Variants in ZNF681 observed in about 807,000 individuals in gnomAD.
ZNF681 encodes zinc finger protein 681.
ZNF681 carries 37 observed loss-of-function variants against 56.0 expected under a neutral mutation model. The observed-to-expected ratio is 0.66, with a 90% CI of 0.51 to 0.87. ZNF681 has a LOEUF of 0.87. Ranked by LOEUF, ZNF681 falls within the 40% of genes least tolerant of loss-of-function variation. The pLI is 0.00. For missense variants in ZNF681, 741 were observed against 744.9 expected (o/e 0.99, Z 0.06); for synonymous variants, 225 against 248.6 (o/e 0.91, Z 0.89).
chr19:23,745,449 ATT>A (rs370284460), intron 3 of ZNF681, 126 bp from the exon 4 acceptor site: 7,777 of 472,546 alleles, frequency 0.016, no homozygotes, highest in East Asian at 0.021. Context: ...AAAGGCCCTA[ATT>A]TTTTTTTTTT....
intron 3 of ZNF681, among the ~76,000 whole-genome samples, chr19:23,751,474 CAAAAAAAAAA>C (rs71165893): frequency 8.1e-6 from 1 of 123,032 alleles, no homozygotes; most frequent in African/African-American, 3.1e-5. Context: ...GACTCCGTCT[CAAAAAAAAAA>C]AAAAAAGAAA....
In ZNF681 at chr19:23,758,833, G is replaced by A. The variant is rs1046052537; in HGVS notation, c.-84C>T. The A allele has an allele frequency of 3.2e-6, 5 of 1,574,214 alleles. No individual in the cohort carries two copies. In the African/African-American group the frequency reaches 4.1e-5, roughly 13 times the overall value. On this transcript the variant is annotated 5_prime_UTR_variant, in exon 1 of 4. Transcript: ENST00000402377. ...GAGGGCCATAGAGGCTGGGCCTCTAGAAGAAGAGGACACAGAGCAGTGAAG... is the reference window on the plus strand; with the variant it reads ...GAGGGCCATAGAGGCTGGGCCTCTAAAAGAAGAGGACACAGAGCAGTGAAG...
chr19:23,745,548 G>T (rs1968933342), intron 3 of ZNF681, among the ~76,000 whole-genome samples: 1 of 151,278 alleles, frequency 6.6e-6, no homozygotes, highest in African/African-American at 2.4e-5. Context: ...TACCTCCCAG[G>T]TTCAAGCAAC....
intron 3 of ZNF681, among the ~76,000 whole-genome samples, chr19:23,748,407 T>C (rs1968976839): frequency 6.6e-6 from 1 of 152,196 alleles, no homozygotes. Flanking sequence ...GGTGCCATGC[T>C]CCTTGAGGTT....
intron 3 of ZNF681, among the ~76,000 whole-genome samples, chr19:23,747,744 G>T (rs1172135201): frequency 6.7e-6 from 1 of 149,816 alleles, no homozygotes; most frequent in Non-Finnish European, 1.5e-5. Context: ...TCATGAAAAA[G>T]AACAAAGAGG....
intron 1 of ZNF681, 26 bp downstream of exon 1, chr19:23,758,721 C>G (rs1212515017): frequency 6.2e-7 from 1 of 1,614,196 alleles, no homozygotes; most frequent in East Asian, 2.2e-5. Flanking sequence ...TCCCCTCTCT[C>G]GGGATGTCGG....
chr19:23,748,502 C>G (rs941050111), intron 3 of ZNF681, among the ~76,000 whole-genome samples: 5 of 152,130 alleles, frequency 3.3e-5, no homozygotes, highest in Non-Finnish European at 7.4e-5. Context: ...AGACAACCAC[C>G]CCCTTCTCCC....
intron 1 of ZNF681, among the ~76,000 whole-genome samples, chr19:23,755,943 C>T (rs1969110735): frequency 6.6e-6 from 1 of 152,046 alleles, no homozygotes; most frequent in Admixed American, 6.6e-5. Context: ...TGTGGTGATT[C>T]CTCAAGGATC....
In ZNF681 at chr19:23,739,866, T is replaced by A. The variant is rs1237544532; in HGVS notation, c.*3746A>T. The A allele has an allele frequency of 6.6e-6, 1 of 152,156 alleles. No individual in the cohort carries two copies. 9.4% of individuals were successfully genotyped at this position (152,156 alleles called of 1,614,324 possible). On this transcript the variant is annotated 3_prime_UTR_variant, in exon 4 of 4. Transcript: ENST00000402377. ...GAGAAAATTTCTTCAAATTGTAATATGAATATGGAAAAGAAATATTACTCC... is the reference window on the plus strand; with the variant it reads ...GAGAAAATTTCTTCAAATTGTAATAAGAATATGGAAAAGAAATATTACTCC...
At chr19:23,750,308 A>AAAAAAAAC (rs1969008719) in intron 3 of ZNF681, among the ~76,000 whole-genome samples, 1 of 130,360 alleles carries the variant, frequency 7.7e-6, no homozygotes, top group Non-Finnish European at 1.6e-5. Flanking sequence ...AAAAAACCAA[A>AAAAAAAAC]AAACAACTAA....
chr19:23,740,197 G>A lies in ZNF681; in HGVS notation c.*3415C>T, dbSNP rs1331941551. On this transcript the variant is annotated 3_prime_UTR_variant, in exon 4 of 4. Transcript: ENST00000402377. ...ACTGATCAGAAAATTATATTGATAT[G>A]CAAAATCTCCAGTTAAAACCAATCT... 1 of 152,040 alleles carries A rather than the reference G, an allele frequency of 6.6e-6. No individual in the cohort carries two copies. The highest frequency in any genetic ancestry group is 1.5e-5 in the Non-Finnish European group (1 of 68,000). 9.4% of individuals were successfully genotyped at this position (152,040 alleles called of 1,614,324 possible).
intron 3 of ZNF681, among the ~76,000 whole-genome samples, chr19:23,747,063 G>A (rs1422544941): frequency 6.6e-6 from 1 of 152,132 alleles, no homozygotes; most frequent in Non-Finnish European, 1.5e-5. Context: ...GGTTGAAGCT[G>A]CAGTCACTGC....
In ZNF681 at chr19:23,744,564, T is replaced by C. The variant is rs781184026; in HGVS notation, c.986A>G (p.Lys329Arg). Residue 329 changes from lysine (K) to arginine (R), a missense_variant, in exon 4 of 4, where the codon AAG becomes AGG. By Grantham distance (26) the Lys-to-Arg change is conservative (BLOSUM62 2). Coordinates refer to ENST00000402377, the MANE Select transcript of ZNF681 (RefSeq NM_138286.3). Reference protein sequence around the residue: ...FNQSSHLTRHKIIHTGEKPYK... With the variant: ...FNQSSHLTRHRIIHTGEKPYK... ...GGGTTTCTCTCCAGTATGAATTATC[T>C]TATGTCTGGTAAGGTGTGAGGACTG... The C allele has an allele frequency of 8.1e-6, 13 of 1,613,654 alleles. No homozygotes were observed. The highest frequency in any genetic ancestry group is 1.1e-5 in the Non-Finnish European group (13 of 1,179,838).
Position 23,744,391 on chromosome 19 carries a change from TTA to T in ZNF681, c.1157_1158del (p.Ile386AsnfsTer11). The T allele has an allele frequency of 1.9e-6, 3 of 1,613,560 alleles. No individual in the cohort carries two copies. Among genetic ancestry groups the T allele is most frequent in the Non-Finnish European group, 2.5e-6 (3 of 1,179,816 alleles). On this transcript the variant is annotated frameshift_variant, in exon 4 of 4. Coordinates refer to ENST00000402377, the MANE Select transcript of ZNF681 (RefSeq NM_138286.3). LOFTEE classifies it high-confidence loss of function. ...RQSSHLTTHK[I>X]IHTGEKPYKC... ...TTGTAGGGTTTCTCTCCAGTATGAATTATCTTATGTGTAGTAAGGTGTGAGGA... is the reference window on the plus strand; with the variant it reads ...TTGTAGGGTTTCTCTCCAGTATGAATTCTTATGTGTAGTAAGGTGTGAGGA...
chr19:23,757,210 T>A (rs1180140231), intron 1 of ZNF681, among the ~76,000 whole-genome samples: 2 of 152,050 alleles, frequency 1.3e-5, no homozygotes. Flanking sequence ...AAGCTAAAAG[T>A]GCTGAGATAC....
intron 3 of ZNF681, among the ~76,000 whole-genome samples, chr19:23,747,655 A>G (rs1221955080): frequency 6.6e-6 from 1 of 152,010 alleles, no homozygotes; most frequent in East Asian, 1.9e-4. Context: ...AAAAAAAAAA[A>G]AAAAAATCCC....
chr19:23,743,678 G>C lies in ZNF681; in HGVS notation c.1872C>G (p.Asn624Lys). 1 of 1,592,318 alleles carries C rather than the reference G, an allele frequency of 6.3e-7. No individual in the cohort carries two copies. Among genetic ancestry groups the C allele is most frequent in the Non-Finnish European group, 8.5e-7 (1 of 1,170,200 alleles). Residue 624 changes from asparagine (N) to lysine (K), a missense_variant, in exon 4 of 4, where the codon AAC (asparagine) becomes AAG (lysine). Transcript: ENST00000402377. ...GEKLYKPKRC[N>K]SDFENTSKFS... ...ACTTTGAAGTGTTTTCAAAATCACT[G>C]TTACATCTTTTAGGTTTGTAGAGTT... is the stretch of plus-strand genomic sequence containing the variant.
intron 3 of ZNF681, among the ~76,000 whole-genome samples, chr19:23,750,408 C>T (rs1969010111): frequency 6.6e-6 from 1 of 151,878 alleles, no homozygotes; most frequent in South Asian, 2.1e-4. Context: ...TTGTGATAGA[C>T]ATATGGCTGA....
chr19:23,746,668 T>C (rs1968949247), intron 3 of ZNF681, among the ~76,000 whole-genome samples: 1 of 152,198 alleles, frequency 6.6e-6, no homozygotes, highest in Non-Finnish European at 1.5e-5. Context: ...GAGGACTGCG[T>C]TGCAGCATGA....
Sources: gnomAD v4.1 joint callset for allele counts (sites outside exome capture counted in the v4.1 genomes callset) on GRCh38, gnomAD v4.1.1 for gene constraint, MANE v1.5 for transcripts, NCBI Gene and HGNC (gene_info 2026-07-23, HGNC 2026-07-21) for gene names.